The following CCDC178 variants were observed in gnomAD, a reference collection of about 807,000 sequenced individuals.
CCDC178 encodes coiled-coil domain containing 178, also known as coiled-coil domain-containing protein 178.
CCDC178 carries 126 observed loss-of-function variants against 117.4 expected under a neutral mutation model. The ratio of observed to expected loss-of-function variants is 1.07; its 90% CI spans 0.93 to 1.24. CCDC178 has a LOEUF of 1.24. Ranked by LOEUF, CCDC178 falls within the 50% of genes most tolerant of loss-of-function variation. The probability of loss-of-function intolerance (pLI) is 0.00; values close to 1 mark genes in which losing one functional copy is unlikely to be tolerated. For synonymous variants in CCDC178, 283 were observed against 313.4 expected, an observed-to-expected ratio of 0.90 and a Z score of 1.02; for missense variants, 1,030 against 986.9, an observed-to-expected ratio of 1.04 and a Z score of -0.59.
intron 19 of CCDC178, among the ~76,000 whole-genome samples, chr18:33,215,231 A>T (rs892238543): frequency 1.3e-5 from 2 of 152,064 alleles, no homozygotes; most frequent in East Asian, 3.9e-4. Flanking sequence ...ATTATTAAAC[A>T]TGGAGTATAA....
At position 33,157,916 on chromosome 18, in the gene CCDC178, TA is replaced by T. The variant is rs1432378862; in HGVS notation, c.2238+53979del. On this transcript the variant is annotated intron_variant, in intron 20 of 22. Coordinates refer to ENST00000383096, the MANE Select transcript of CCDC178 (RefSeq NM_001105528.4). Reference sequence around the variant, plus strand: ...CAACAGAAATTGCTACTCCTTGAAGTAAGTAATTTGGAACCTCTTACAGCTT... The same window carrying T: ...CAACAGAAATTGCTACTCCTTGAAGTAGTAATTTGGAACCTCTTACAGCTT... Among the ~76,000 whole-genome samples, 4 of 152,192 alleles carry T rather than the reference TA, an allele frequency of 2.6e-5. No individual in the cohort carries two copies. In the East Asian group the frequency reaches 7.7e-4, roughly 29 times the overall value.
chr18:33,018,627 C>T (rs545727408), intron 21 of CCDC178, among the ~76,000 whole-genome samples: 2 of 152,084 alleles, frequency 1.3e-5, no homozygotes, highest in East Asian at 3.9e-4. Context: ...AAGAAAGAAG[C>T]CAGTGACGAA....
At chr18:33,389,695 A>T in intron 4 of CCDC178, 66 bp from the exon 5 acceptor site, 4 of 725,852 alleles carry the variant, frequency 5.5e-6, no homozygotes, top group Non-Finnish European at 8.3e-6. Flanking sequence ...TAAAATAAGC[A>T]CCACCATGTA....
intron 21 of CCDC178, among the ~76,000 whole-genome samples, chr18:33,013,246 C>G (rs190604684): frequency 7.2e-4 from 109 of 152,246 alleles, no homozygotes; most frequent in African/African-American, 2.5e-3. Flanking sequence ...TTCACAGCTT[C>G]TCTCCAGTAA....
Position 32,979,035 on chromosome 18 carries a change from T to TA in CCDC178, c.2389-4355dup, listed in dbSNP as rs778115678. ...CTGGGAGACAGAGTGAGAATCCGTCTAAAAAAAAAAAAAGAGAGAAAAAAA... is the reference window on the plus strand; with the variant it reads ...CTGGGAGACAGAGTGAGAATCCGTCTAAAAAAAAAAAAAAGAGAGAAAAAAA... On this transcript the variant is annotated intron_variant, in intron 21 of 22. Coordinates refer to ENST00000383096, the MANE Select transcript of CCDC178 (RefSeq NM_001105528.4). Among the ~76,000 whole-genome samples, 921 of 111,976 alleles carry TA rather than the reference T, an allele frequency of 8.2e-3. 9 individuals are homozygous for TA. Among genetic ancestry groups the TA allele is most frequent in the African/African-American group, 0.015 (447 of 29,726 alleles). 73.5% of individuals were successfully genotyped at this position (111,976 alleles called of 152,430 possible). A position where few individuals can be genotyped will look rare whatever the true frequency, so the allele number is the denominator to read the frequency against.
intron 11 of CCDC178, among the ~76,000 whole-genome samples, chr18:33,296,498 C>T (rs1327386924): frequency 6.6e-6 from 1 of 152,044 alleles, no homozygotes; most frequent in Non-Finnish European, 1.5e-5. Context: ...ATATACAATA[C>T]AAGATACTCC....
intron 5 of CCDC178, 118 bp from the exon 6 acceptor site, chr18:33,370,307 G>C (rs965366318): frequency 2.1e-6 from 1 of 476,234 alleles, no homozygotes; most frequent in Non-Finnish European, 3.5e-6. Context: ...TTCCTTAATA[G>C]AGAGGCTGAG....
chr18:33,111,730 G>T lies in CCDC178; in HGVS notation c.2239-18820C>A, dbSNP rs2057785735. ...ATTTGTGTACTAGCTGTGTGTTACT[G>T]TTATCCTCCATTCATGAGAATAATA... On this transcript the variant is annotated intron_variant, in intron 20 of 22. Transcript: ENST00000383096. Among the ~76,000 whole-genome samples, 3 of 151,650 alleles carry T rather than the reference G, an allele frequency of 2.0e-5. No homozygotes were observed. In the South Asian group the frequency reaches 6.2e-4, roughly 31 times the overall value.
intron 14 of CCDC178, among the ~76,000 whole-genome samples, chr18:33,256,333 T>C (rs940636743): frequency 6.6e-6 from 1 of 152,034 alleles, no homozygotes; most frequent in Non-Finnish European, 1.5e-5. Context: ...ATGGAAGTGA[T>C]ACGAGTAAAA....
At chr18:33,050,036 C>A (rs1306140177) in intron 21 of CCDC178, among the ~76,000 whole-genome samples, 1 of 152,036 alleles carries the variant, frequency 6.6e-6, no homozygotes. Context: ...ATCTGAGATC[C>A]TGCCACTGCA....
intron 11 of CCDC178, among the ~76,000 whole-genome samples, chr18:33,320,878 G>A (rs946930794): frequency 3.9e-5 from 6 of 152,252 alleles, no homozygotes; most frequent in Non-Finnish European, 8.8e-5. Flanking sequence ...CATGGTACTG[G>A]TACCAAAACA....
At chr18:32,998,856 G>A (rs139497594) in intron 21 of CCDC178, among the ~76,000 whole-genome samples, 4 of 152,120 alleles carry the variant, frequency 2.6e-5, no homozygotes, top group East Asian at 1.9e-4. Context: ...AGATACCCAG[G>A]CCTTGGGTGA....
intron 22 of CCDC178, among the ~76,000 whole-genome samples, chr18:32,938,478 C>T (rs1005842436): frequency 6.6e-6 from 1 of 152,068 alleles, no homozygotes; most frequent in East Asian, 1.9e-4. Flanking sequence ...CACTAGGCTT[C>T]TGTTCATAGT....
chr18:33,386,387 C>G lies in CCDC178; in HGVS notation c.208+3153G>C, dbSNP rs150406441. 2.0e-3 allele frequency among the ~76,000 whole-genome samples: 307 copies of G among 151,806 alleles called. 2 individuals carry two copies. Among genetic ancestry groups the G allele is most frequent in the Middle Eastern group, 0.017 (5 of 292 alleles). ...CAGCATCATCCTGATACCAGAGATA[C>G]AACAGAGATACAACAACAAAAACAA... On this transcript the variant is annotated intron_variant, in intron 5 of 22. Coordinates refer to ENST00000383096, the MANE Select transcript of CCDC178 (RefSeq NM_001105528.4).
intron 20 of CCDC178, among the ~76,000 whole-genome samples, chr18:33,204,955 G>A (rs1262689327): frequency 2.0e-5 from 3 of 152,000 alleles, no homozygotes; most frequent in Non-Finnish European, 2.9e-5. Flanking sequence ...CAAGGAGGGA[G>A]AAAGGATAAC....
chr18:33,439,080 A>C (rs1030433226), intron 2 of CCDC178, among the ~76,000 whole-genome samples: 1 of 152,254 alleles, frequency 6.6e-6, no homozygotes, highest in Non-Finnish European at 1.5e-5. Flanking sequence ...GAGGTCAAGA[A>C]GAATTCATCG....
rs76952832 is a variant in CCDC178 at position 33,389,603 on chromosome 18, G to T, written c.145C>A (p.Leu49Ile). The change falls in exon 5 of 23, where the codon CTA (leucine) becomes ATA (isoleucine). Residue 49 changes from leucine (L) to isoleucine (I), a missense_variant. Coordinates refer to ENST00000383096, the MANE Select transcript of CCDC178 (RefSeq NM_001105528.4). ...EGNAMSQSLVLYGASKENSEG... is the reference protein window; with the variant it reads ...EGNAMSQSLVIYGASKENSEG... ...CTGTTCTCCTTAGAGGCTCCATATA[G>T]AACCAAACTTTGAGACATGGCATTG... The T allele has an allele frequency of 0.02, 30,407 of 1,511,152 alleles. 377 individuals carry two copies. Among genetic ancestry groups the T allele is most frequent in the Middle Eastern group, 0.043 (244 of 5,676 alleles). The allele number at this position is 1,511,152 out of a possible 1,614,324, so 93.6% of individuals were successfully genotyped here. A position where few individuals can be genotyped will look rare whatever the true frequency, so the allele number is the denominator to read the frequency against.
intron 11 of CCDC178, among the ~76,000 whole-genome samples, chr18:33,317,696 G>A (rs1599152322): frequency 6.6e-6 from 1 of 152,050 alleles, no homozygotes; most frequent in Non-Finnish European, 1.5e-5. Flanking sequence ...TTACTCCTCA[G>A]CACCATTCAA....
intron 5 of CCDC178, among the ~76,000 whole-genome samples, chr18:33,384,076 T>C (rs2063468222): frequency 6.6e-6 from 1 of 151,940 alleles, no homozygotes; most frequent in Non-Finnish European, 1.5e-5. Context: ...AACGTAAGTA[T>C]CAATAGCTGA....
Sources: allele counts gnomAD v4.1 joint callset (sites outside exome capture counted in the v4.1 genomes callset), GRCh38; gene constraint gnomAD v4.1.1; transcripts MANE v1.5; gene names NCBI Gene and HGNC (gene_info 2026-07-23, HGNC 2026-07-21).